UGGT2: variants seen among roughly 807,000 people sequenced by gnomAD.
UGGT2 encodes the protein UDP-glucose glycoprotein glucosyltransferase 2.
Under a neutral mutation model 192.1 loss-of-function variants are expected in UGGT2, and 180 were observed. That is an observed-to-expected ratio of 0.94 (90% CI 0.83 to 1.06). UGGT2 has a LOEUF of 1.06. Ranked by LOEUF, UGGT2 falls within the 50% of genes least tolerant of loss-of-function variation. The probability of loss-of-function intolerance (pLI) is 0.00; values close to 1 mark genes in which losing one functional copy is unlikely to be tolerated. For missense variants in UGGT2, 1,849 were observed against 1,795.7 expected (o/e 1.03, Z -0.54); for synonymous variants, 580 against 591.0 (o/e 0.98, Z 0.27).
At position 95,854,303 on chromosome 13, in the gene UGGT2, G is replaced by A; in HGVS notation, c.4169+12C>T. The A allele has an allele frequency of 6.2e-7, 1 of 1,606,266 alleles. No individual in the cohort carries two copies. On this transcript the variant is annotated intron_variant, in intron 35 of 38. Coordinates refer to ENST00000376747, the MANE Select transcript of UGGT2 (RefSeq NM_020121.4). ...CTTATTTACTAAATGGTAAGGGTCT[G>A]ACTTTTCTTACCTGATATGGTATTT...
At chr13:95,889,175 T>C (rs1311984098) in intron 25 of UGGT2, among the ~76,000 whole-genome samples, 1 of 63,404 alleles carries the variant, frequency 1.6e-5, no homozygotes, top group African/African-American at 4.6e-5. Flanking sequence ...GGATTTTGCA[T>C]ACTAAAAAGC....
intron 20 of UGGT2, among the ~76,000 whole-genome samples, chr13:95,909,316 G>A (rs985459055): frequency 4.6e-5 from 7 of 151,836 alleles, no homozygotes; most frequent in Middle Eastern, 3.4e-3. Context: ...TGTTTATTGC[G>A]GCATTATTCA....
rs1445014831 is a variant in UGGT2, at chr13:96,053,147, G to T, written c.158+8C>A. ...ACCCGCCCGGACGAGGGCCCGGCCC[G>T]CACCCACCTTGCCTCCAGCAGCAGC... On this transcript the variant is annotated splice_region_variant and intron_variant, in intron 1 of 38. Transcript: ENST00000376747. The T allele has an allele frequency of 6.7e-7, 1 of 1,500,426 alleles. No individual in the cohort carries two copies. The highest frequency in any genetic ancestry group is 8.9e-7 in the Non-Finnish European group (1 of 1,127,908). 92.9% of individuals were successfully genotyped at this position (1,500,426 alleles called of 1,614,324 possible). A position where few individuals can be genotyped will look rare whatever the true frequency, so the allele number is the denominator to read the frequency against.
chr13:95,837,743 AT>A (rs1405577990), intron 36 of UGGT2, among the ~76,000 whole-genome samples: 1 of 152,162 alleles, frequency 6.6e-6, no homozygotes, highest in Non-Finnish European at 1.5e-5. Flanking sequence ...AATCAGACAA[AT>A]CTTCCCCAGA....
At chr13:95,962,211 AAAAT>A (rs1407688473) in intron 12 of UGGT2, among the ~76,000 whole-genome samples, 1 of 152,262 alleles carries the variant, frequency 6.6e-6, no homozygotes, top group South Asian at 2.1e-4. Flanking sequence ...TTAGCAGAAA[AAAAT>A]AAATAAGATC....
intron 36 of UGGT2, among the ~76,000 whole-genome samples, chr13:95,838,875 T>C (rs1445678215): frequency 6.6e-6 from 1 of 152,144 alleles, no homozygotes; most frequent in African/African-American, 2.4e-5. Flanking sequence ...TGACCACCTC[T>C]TGATTTTTGG....
chr13:96,015,681 T>A (rs2052314150), intron 4 of UGGT2, among the ~76,000 whole-genome samples: 1 of 152,214 alleles, frequency 6.6e-6, no homozygotes, highest in Non-Finnish European at 1.5e-5. Context: ...AAGTAGAGTA[T>A]AAAACTTCAG....
intron 12 of UGGT2, among the ~76,000 whole-genome samples, chr13:95,956,133 G>A (rs762078468): frequency 1.3e-5 from 2 of 152,216 alleles, no homozygotes; most frequent in Middle Eastern, 3.4e-3. Flanking sequence ...TATAAAGTTG[G>A]AGAACTCACA....
At chr13:96,019,901 G>A (rs1040356231) in intron 4 of UGGT2, among the ~76,000 whole-genome samples, 3 of 152,174 alleles carry the variant, frequency 2.0e-5, no homozygotes, top group Non-Finnish European at 2.9e-5. Flanking sequence ...GAGGCAGCCC[G>A]AAGAGCCCAC....
At chr13:95,919,967 G>A (rs1214461708) in intron 20 of UGGT2, among the ~76,000 whole-genome samples, 2 of 152,170 alleles carry the variant, frequency 1.3e-5, no homozygotes, top group East Asian at 1.9e-4. Flanking sequence ...CAAGGCTACA[G>A]TAACCAAGAT....
chr13:95,975,785 C>T (rs2050918474), intron 10 of UGGT2, among the ~76,000 whole-genome samples: 1 of 152,018 alleles, frequency 6.6e-6, no homozygotes, highest in Non-Finnish European at 1.5e-5. Context: ...TGAAATGATA[C>T]ACACTCTGAA....
intron 5 of UGGT2, among the ~76,000 whole-genome samples, chr13:96,006,619 G>T (rs1399570217): frequency 1.1e-5 from 1 of 91,760 alleles, no homozygotes; most frequent in Non-Finnish European, 2.0e-5. Context: ...GCGAGATTCT[G>T]CCTCAAAAAA....
At chr13:96,025,031 G>A (rs932307924) in intron 2 of UGGT2, among the ~76,000 whole-genome samples, 15 of 152,172 alleles carry the variant, frequency 9.9e-5, no homozygotes, top group African/African-American at 3.4e-4. Flanking sequence ...TTGTCCTGTG[G>A]GAACTGAGGC....
intron 1 of UGGT2, among the ~76,000 whole-genome samples, chr13:96,039,574 T>C (rs72638104): frequency 0.078 from 11,901 of 152,290 alleles, 650 homozygotes; most frequent in Non-Finnish European, 0.12. Context: ...TAACACTCTT[T>C]ACAATCTGGA....
At position 95,801,811 on chromosome 13, in the gene UGGT2, A is replaced by C. The variant is rs907777890; in HGVS notation, c.4530T>G (p.Ile1510Met). ...DHLENKKQDT[I>M]LTHDEL Reference sequence around the variant, plus strand: ...AGTGCTAGAGTTCATCATGTGTCAAAACTATAAGGGAGAAAAGTTTATTTA... The same window carrying C: ...AGTGCTAGAGTTCATCATGTGTCAACACTATAAGGGAGAAAAGTTTATTTA... The change falls in exon 39 of 39, where the codon ATT becomes ATG. Residue 1510 changes from isoleucine (I) to methionine (M), a missense_variant and splice_region_variant. Transcript: ENST00000376747. 1.2e-6 allele frequency: 2 copies of C among 1,613,786 alleles called. No individual in the cohort carries two copies. The highest frequency in any genetic ancestry group is 1.7e-6 in the Non-Finnish European group (2 of 1,179,864).
rs1885131122 is a variant in UGGT2, at chr13:95,818,360, T to C, written c.4528+14567A>G. ...ATTGACATCTGTTTCCAGAACAACA[T>C]GGCGGCAGCTTATTTGTGAATTGTC... On this transcript the variant is annotated intron_variant, in intron 38 of 38. Transcript: ENST00000376747. 2.0e-5 allele frequency among the ~76,000 whole-genome samples: 3 copies of C among 152,210 alleles called. No individual in the cohort carries two copies. The South Asian group carries it at 6.2e-4, about 31-fold the overall frequency.
At chr13:95,849,542 CAAAA>C (rs35734084) in intron 36 of UGGT2, among the ~76,000 whole-genome samples, 2 of 103,916 alleles carry the variant, frequency 1.9e-5, no homozygotes, top group African/African-American at 3.7e-5. Flanking sequence ...GACTCTGTCT[CAAAA>C]AAAAAAAAAA....
At chr13:95,855,285 C>T (rs3101566) in intron 34 of UGGT2, among the ~76,000 whole-genome samples, 1 of 151,766 alleles carries the variant, frequency 6.6e-6, no homozygotes, top group Non-Finnish European at 1.5e-5. Flanking sequence ...GACCCTGTCT[C>T]TTAAAAGAAA....
chr13:95,832,515 TA>T (rs1886819304), intron 38 of UGGT2, among the ~76,000 whole-genome samples: 1 of 152,106 alleles, frequency 6.6e-6, no homozygotes, highest in Non-Finnish European at 1.5e-5. Flanking sequence ...CTCTGTTATA[TA>T]TGAGATTAAT....
Sources: gnomAD v4.1 joint callset for allele counts (sites outside exome capture counted in the v4.1 genomes callset) on GRCh38, gnomAD v4.1.1 for gene constraint, MANE v1.5 for transcripts, NCBI Gene and HGNC (gene_info 2026-07-23, HGNC 2026-07-21) for gene names.